GNE: variants seen among roughly 807,000 people sequenced by gnomAD.
GNE encodes glucosamine (UDP-N-acetyl)-2-epimerase/N-acetylmannosamine kinase.
GNE carries 41 observed loss-of-function variants against 61.8 expected under a neutral mutation model. The ratio of observed to expected loss-of-function variants is 0.66; its 90% CI spans 0.52 to 0.86. The LOEUF (loss-of-function observed/expected upper bound fraction) is 0.86, where lower values mean the gene tolerates loss of function less well. Among genes scored for constraint, GNE ranks in the 40% least tolerant of loss-of-function variants. GNE has a pLI of 0.00. For missense variants in GNE, 608 were observed against 909.1 expected, an observed-to-expected ratio of 0.67 and a Z score of 4.26; for synonymous variants, 264 against 326.4, an observed-to-expected ratio of 0.81 and a Z score of 2.06.
At chr9:36,228,895 A>G in intron 6 of GNE, 126 bp downstream of exon 6, 2 of 763,554 alleles carry the variant, frequency 2.6e-6, no homozygotes, top group Admixed American at 1.8e-5. Context: ...CTCCCCAGCA[A>G]CTAGGGGCCC....
chr9:36,270,456 G>A (rs1830979845), intron 1 of GNE, among the ~76,000 whole-genome samples: 3 of 151,688 alleles, frequency 2.0e-5, no homozygotes, highest in East Asian at 1.9e-4. Context: ...CCTGGGTGCA[G>A]TAGTGCATGC....
chr9:36,268,664 A>G (rs944593191), intron 1 of GNE, among the ~76,000 whole-genome samples: 2 of 151,926 alleles, frequency 1.3e-5, no homozygotes, highest in East Asian at 3.9e-4. Context: ...TGAGACCCCC[A>G]TCTCAAAAAC....
intron 1 of GNE, among the ~76,000 whole-genome samples, chr9:36,255,651 T>TA (rs1221421023): frequency 2.0e-5 from 3 of 151,872 alleles, no homozygotes; most frequent in Non-Finnish European, 4.4e-5. Flanking sequence ...AAAATTTAAA[T>TA]AAAAAAATAA....
At chr9:36,226,234 G>A (rs1828857501) in intron 7 of GNE, among the ~76,000 whole-genome samples, 1 of 152,080 alleles carries the variant, frequency 6.6e-6, no homozygotes, top group South Asian at 2.1e-4. Flanking sequence ...GTGCAGTGGT[G>A]CGATCTTGGC....
rs779720450 is a variant in GNE at position 36,229,049 on chromosome 9, G to A, written c.1042C>T (p.His348Tyr). 1 of 1,608,790 alleles carries A rather than the reference G, an allele frequency of 6.2e-7. No individual in the cohort carries two copies. Among genetic ancestry groups the A allele is most frequent in the Non-Finnish European group, 8.5e-7 (1 of 1,175,322 alleles). ...GGGTACTGTTTACCAAACTGAAGGT[G>A]CAGTGCTTGCAATATTTTGTCTTGG... is the stretch of plus-strand genomic sequence containing the variant. ...DTQDKILQAL[H>Y]LQFGKQYPCS... The change falls in exon 6 of 12, where the codon CAC (histidine) becomes TAC (tyrosine). Residue 348 changes from histidine (H) to tyrosine (Y), a missense_variant. Transcript: ENST00000642385.
At chr9:36,223,786 CTG>C (rs1828724463) in intron 7 of GNE, among the ~76,000 whole-genome samples, 1 of 151,248 alleles carries the variant, frequency 6.6e-6, no homozygotes, top group Non-Finnish European at 1.5e-5. Flanking sequence ...GCCTCTCGCT[CTG>C]TTGCCCAGGC....
At position 36,218,323 on chromosome 9, in the gene GNE, C is replaced by T; in HGVS notation, c.1817-24G>A. Reference sequence around the variant, plus strand: ...CTCTGAACAGAGTGAGAAGGAAAAGCAGTCACTAATGAGCTGTGGGGAGGC... The same window carrying T: ...CTCTGAACAGAGTGAGAAGGAAAAGTAGTCACTAATGAGCTGTGGGGAGGC... On this transcript the variant is annotated intron_variant, in intron 10 of 11. Transcript: ENST00000642385. This position sits in a 1 kb window ranked among gnomAD's most constrained non-coding sequence, Gnocchi z 4.1. 1.3e-6 allele frequency: 2 copies of T among 1,561,872 alleles called. No homozygotes were observed. The highest frequency in any genetic ancestry group is 1.8e-6 in the Non-Finnish European group (2 of 1,132,428).
In GNE at chr9:36,216,249, C is replaced by T. The variant is rs1373110988; in HGVS notation, c.*1116G>A. 3 of 455,298 alleles carry T rather than the reference C, an allele frequency of 6.6e-6. No homozygotes were observed. Among genetic ancestry groups the T allele is most frequent in the African/African-American group, 4.0e-5 (2 of 49,922 alleles). 28.2% of individuals were successfully genotyped at this position (455,298 alleles called of 1,614,324 possible). A position where few individuals can be genotyped will look rare whatever the true frequency, so the allele number is the denominator to read the frequency against. ...TGTTTTAAAAAAAAGTGTACTTAAG[C>T]CCTTCCTGGTAAGATTTCCCTCTGT... is the stretch of plus-strand genomic sequence containing the variant. On this transcript the variant is annotated 3_prime_UTR_variant, in exon 12 of 12. Transcript: ENST00000642385.
intron 1 of GNE, among the ~76,000 whole-genome samples, chr9:36,275,318 T>C (rs889080685): frequency 2.6e-5 from 4 of 152,194 alleles, no homozygotes; most frequent in Non-Finnish European, 5.9e-5. Context: ...CTATCAGTTT[T>C]ACATTTTAAA....
intron 5 of GNE, among the ~76,000 whole-genome samples, chr9:36,231,414 C>T (rs560146081): frequency 6.6e-6 from 1 of 152,290 alleles, no homozygotes; most frequent in African/African-American, 2.4e-5. Context: ...CACTGCACTC[C>T]AGCCTGAGCA....
rs745546310 is a variant in GNE, at chr9:36,214,556, G to A, written c.*2809C>T. 5 of 152,052 alleles carry A rather than the reference G, an allele frequency of 3.3e-5. No individual in the cohort carries two copies. Among genetic ancestry groups the A allele is most frequent in the Admixed American group, 2.6e-4 (4 of 15,268 alleles). The allele number at this position is 152,052 out of a possible 1,614,324, so 9.4% of individuals were successfully genotyped here. Reference sequence around the variant, plus strand: ...TACTTAACCATATGTAATAATTTACGTTGGAATATATTAGCCTTCCCATGA... The same window carrying A: ...TACTTAACCATATGTAATAATTTACATTGGAATATATTAGCCTTCCCATGA... On this transcript the variant is annotated 3_prime_UTR_variant, in exon 12 of 12. Transcript: ENST00000642385.
intron 2 of GNE, 32 bp from the exon 3 acceptor site, chr9:36,246,514 C>T: frequency 6.6e-7 from 1 of 1,525,942 alleles, no homozygotes; most frequent in Non-Finnish European, 9.1e-7. Flanking sequence ...GATATAAGAA[C>T]ATGTTCTTAA....
chr9:36,246,252 T>A lies in GNE; in HGVS notation c.395A>T (p.His132Leu). Residue 132 changes from histidine to leucine, a missense_variant, in exon 3 of 12, where the codon CAC (histidine) becomes CTC (leucine). Transcript: ENST00000642385. ...CCCACTGACTTCCCCACCTTCAATG[T>A]GAAGGATTCGGATGTTCATCAAGGC... ...SAALMNIRIL[H>L]IEGGEVSGTI... The A allele has an allele frequency of 6.2e-7, 1 of 1,614,154 alleles. No homozygotes were observed.
chr9:36,271,239 C>T (rs951052926), intron 1 of GNE, among the ~76,000 whole-genome samples: 1 of 152,194 alleles, frequency 6.6e-6, no homozygotes, highest in Admixed American at 6.5e-5. Context: ...GAAGGCTCTT[C>T]CTTGTCTGCT....
In GNE at chr9:36,249,450, T is replaced by A. The variant is rs1204521175; in HGVS notation, c.-42-53A>T. 5 of 1,105,018 alleles carry A rather than the reference T, an allele frequency of 4.5e-6. No homozygotes were observed. The Admixed American group carries it at 6.9e-5, about 15-fold the overall frequency. The allele number at this position is 1,105,018 out of a possible 1,614,324, so 68.5% of individuals were successfully genotyped here. On this transcript the variant is annotated intron_variant, in intron 1 of 11. Transcript: ENST00000642385. ...AATCAGAATAACTCCTAGATATAAC[T>A]AAACTTTAAACTTCTCTAAATCAGA...
At position 36,258,315 on chromosome 9, in the gene GNE, T is replaced by C; in HGVS notation, c.-43+6A>G. 8.1e-6 allele frequency: 8 copies of C among 985,360 alleles called. No individual in the cohort carries two copies. Among genetic ancestry groups the C allele is most frequent in the Non-Finnish European group, 9.6e-6 (8 of 829,930 alleles). The allele number at this position is 985,360 out of a possible 1,614,324, so 61.0% of individuals were successfully genotyped here. A position where few individuals can be genotyped will look rare whatever the true frequency, so the allele number is the denominator to read the frequency against. On this transcript the variant is annotated splice_donor_region_variant and intron_variant, in intron 1 of 11. Transcript: ENST00000642385. ...CCGGAGTCCCACGCCGCCGCGCGGC[T>C]CTCACCAGACGCCGTCAGAGGCTCC...
intron 1 of GNE, 95 bp downstream of exon 1, chr9:36,258,226 G>A: frequency 1.4e-6 from 1 of 689,756 alleles, no homozygotes; most frequent in Non-Finnish European, 1.8e-6. Context: ...GAAAGCGGCC[G>A]GGGAGGGGAG....
intron 1 of GNE, among the ~76,000 whole-genome samples, chr9:36,272,900 C>T (rs1051148976): frequency 2.9e-5 from 4 of 135,906 alleles, no homozygotes; most frequent in African/African-American, 1.1e-4. Context: ...GTGGTGAAAC[C>T]TCATCTAGTA....
intron 1 of GNE, among the ~76,000 whole-genome samples, chr9:36,273,947 T>C (rs1831143746): frequency 6.6e-6 from 1 of 152,120 alleles, no homozygotes; most frequent in African/African-American, 2.4e-5. Flanking sequence ...TTTGGAACTC[T>C]TTAATGGTAT....
Sources: allele counts gnomAD v4.1 joint callset (sites outside exome capture counted in the v4.1 genomes callset), GRCh38; gene constraint gnomAD v4.1.1; non-coding constraint Gnocchi (gnomAD v3.1); transcripts MANE v1.5; gene names NCBI Gene and HGNC (gene_info 2026-07-23, HGNC 2026-07-21).